Variants in NR6A1 observed in about 807,000 individuals in gnomAD.
The protein encoded by NR6A1 is retinoic acid receptor-related testis-associated receptor.
NR6A1 carries 7 observed loss-of-function variants against 59.1 expected under a neutral mutation model. That is an observed-to-expected ratio of 0.12 (90% CI 0.07 to 0.22). NR6A1 has a LOEUF of 0.22. Among genes scored for constraint, NR6A1 ranks in the 10% least tolerant of loss-of-function variants. NR6A1 has a pLI of 1.00. For synonymous variants in NR6A1, 243 were observed against 236.1 expected (o/e 1.03, Z -0.27); for missense variants, 468 against 611.6 (o/e 0.77, Z 2.48).
intron 2 of NR6A1, among the ~76,000 whole-genome samples, chr9:124,726,187 C>T (rs1281681419): frequency 6.6e-6 from 1 of 152,100 alleles, no homozygotes; most frequent in Admixed American, 6.5e-5. Flanking sequence ...ACCCTCACAT[C>T]GTTGTTAAGT....
chr9:124,705,675 G>A (rs1839106331), intron 2 of NR6A1, among the ~76,000 whole-genome samples: 1 of 152,018 alleles, frequency 6.6e-6, no homozygotes, highest in Non-Finnish European at 1.5e-5. Flanking sequence ...TACTGATATA[G>A]CTGGACTTTA....
chr9:124,770,958 C>G (rs1418512955), intron 1 of NR6A1, 62 bp downstream of exon 1: 11 of 951,120 alleles, frequency 1.2e-5, no homozygotes, highest in Non-Finnish European at 1.2e-5. Context: ...GAGGGGGATC[C>G]CTGGCGGAGG....
chr9:124,734,217 G>A (rs557557789), intron 1 of NR6A1, among the ~76,000 whole-genome samples: 1 of 152,290 alleles, frequency 6.6e-6, no homozygotes, highest in Admixed American at 6.5e-5. Context: ...ACCTGTGCTT[G>A]CTTCTAGCAC....
At chr9:124,581,549 G>C (rs1260903240) in intron 2 of NR6A1, among the ~76,000 whole-genome samples, 1 of 151,978 alleles carries the variant, frequency 6.6e-6, no homozygotes, top group Non-Finnish European at 1.5e-5. Flanking sequence ...CCGAGATCAC[G>C]CCATTGCACT....
rs562319350 is a variant in NR6A1 at position 124,682,333 on chromosome 9, A to T, written c.142+50975T>A. ...AACCTTAAAACTACCAAGTATTAAG[A>T]TCTAGTACGGTATCAAAAGAAGAAT... On this transcript the variant is annotated intron_variant, in intron 2 of 9. Coordinates refer to ENST00000487099, the MANE Select transcript of NR6A1 (RefSeq NM_033334.4). Among the ~76,000 whole-genome samples the T allele has an allele frequency of 3.9e-5, 6 of 152,298 alleles. No homozygotes were observed. In the South Asian group the frequency reaches 1.2e-3, roughly 32 times the overall value.
At chr9:124,611,678 G>C (rs926257351) in intron 2 of NR6A1, among the ~76,000 whole-genome samples, 2 of 151,464 alleles carry the variant, frequency 1.3e-5, no homozygotes, top group Admixed American at 1.3e-4. Flanking sequence ...GAGCCTAGGA[G>C]GTCGAGGCTC....
rs147211099 is a variant in NR6A1, at chr9:124,708,921, C to T, written c.142+24387G>A. 5.5e-3 allele frequency among the ~76,000 whole-genome samples: 843 copies of T among 152,316 alleles called. 7 individuals carry two copies. Among genetic ancestry groups the T allele is most frequent in the African/African-American group, 0.019 (801 of 41,562 alleles). ...ACTGGCCCAGGTCTTAACTCTCAGCCCATCTGGTCATTAGCATTCCAAGAC... is the reference window on the plus strand; with the variant it reads ...ACTGGCCCAGGTCTTAACTCTCAGCTCATCTGGTCATTAGCATTCCAAGAC... On this transcript the variant is annotated intron_variant, in intron 2 of 9. Coordinates refer to ENST00000487099, the MANE Select transcript of NR6A1 (RefSeq NM_033334.4).
In NR6A1 at chr9:124,537,063, CATCTAA is replaced by C. The variant is rs1266553541; in HGVS notation, c.825-937_825-932del. On this transcript the variant is annotated intron_variant, in intron 6 of 9. Transcript: ENST00000487099. The stretch of plus-strand genomic sequence containing the variant: ...GCCAAGACTTTTCCTCACACTCCCA[CATCTAA>C]ATTTTTTTTTTTTTTTTTTTTGAGA... Among the ~76,000 whole-genome samples, 704 of 149,308 alleles carry C rather than the reference CATCTAA, an allele frequency of 4.7e-3. 3 individuals carry two copies. The highest frequency in any genetic ancestry group is 0.017 in the African/African-American group (666 of 39,046).
At chr9:124,694,319 C>T (rs1838670723) in intron 2 of NR6A1, among the ~76,000 whole-genome samples, 1 of 152,006 alleles carries the variant, frequency 6.6e-6, no homozygotes, top group Non-Finnish European at 1.5e-5. Context: ...CAAAAATAAG[C>T]TCATTTTTAC....
intron 9 of NR6A1, among the ~76,000 whole-genome samples, chr9:124,523,443 C>A (rs531432657): frequency 1.3e-5 from 2 of 151,968 alleles, no homozygotes; most frequent in African/African-American, 4.8e-5. Flanking sequence ...GGGAGCCGTT[C>A]GAAAACACTG....
At chr9:124,699,530 C>T (rs993275209) in intron 2 of NR6A1, among the ~76,000 whole-genome samples, 4 of 152,206 alleles carry the variant, frequency 2.6e-5, no homozygotes, top group African/African-American at 4.8e-5. Context: ...AGCAAATAAT[C>T]AGTGGGGCCC....
At chr9:124,523,444 G>A (rs1215061936) in intron 9 of NR6A1, among the ~76,000 whole-genome samples, 2 of 151,968 alleles carry the variant, frequency 1.3e-5, no homozygotes, top group Middle Eastern at 3.4e-3. Flanking sequence ...GGAGCCGTTC[G>A]AAAACACTGA....
At chr9:124,766,198 G>C (rs1840929624) in intron 1 of NR6A1, among the ~76,000 whole-genome samples, 1 of 152,138 alleles carries the variant, frequency 6.6e-6, no homozygotes, top group South Asian at 2.1e-4. Context: ...AATAATTCTG[G>C]TATTTCTGAA....
intron 7 of NR6A1, among the ~76,000 whole-genome samples, chr9:124,533,068 G>A (rs1038442676): frequency 6.6e-6 from 1 of 152,198 alleles, no homozygotes; most frequent in African/African-American, 2.4e-5. Flanking sequence ...ACCCTGTACT[G>A]CCAGTGACCC....
chr9:124,718,993 T>C (rs1325359862), intron 2 of NR6A1, among the ~76,000 whole-genome samples: 1 of 151,862 alleles, frequency 6.6e-6, no homozygotes, highest in Non-Finnish European at 1.5e-5. Context: ...CAATTTTTTT[T>C]ACTATTATAA....
intron 2 of NR6A1, among the ~76,000 whole-genome samples, chr9:124,697,305 T>C (rs1054504996): frequency 1.3e-5 from 2 of 152,110 alleles, no homozygotes; most frequent in Admixed American, 1.3e-4. Flanking sequence ...CCAGGAGACA[T>C]GGAAGAAACA....
intron 2 of NR6A1, among the ~76,000 whole-genome samples, chr9:124,599,915 A>G (rs950855531): frequency 1.3e-5 from 2 of 152,224 alleles, no homozygotes; most frequent in Non-Finnish European, 2.9e-5. Context: ...CATTTCCCAT[A>G]TGTTTATTCA....
intron 6 of NR6A1, 55 bp downstream of exon 6, chr9:124,538,037 T>C: frequency 6.9e-7 from 1 of 1,447,900 alleles, no homozygotes; most frequent in Non-Finnish European, 9.5e-7. Flanking sequence ...CGAGTGGGTG[T>C]GGGGTAGGGA....
intron 5 of NR6A1, among the ~76,000 whole-genome samples, chr9:124,539,482 G>C (rs928520149): frequency 6.6e-6 from 1 of 152,170 alleles, no homozygotes; most frequent in Admixed American, 6.5e-5. Context: ...CTATAAGAAA[G>C]GTTTCTGGGG....
Sources: gnomAD v4.1 joint callset for allele counts (sites outside exome capture counted in the v4.1 genomes callset) on GRCh38, gnomAD v4.1.1 for gene constraint, MANE v1.5 for transcripts, NCBI Gene and HGNC (gene_info 2026-07-23, HGNC 2026-07-21) for gene names.